The following SAFB2 variants were observed in gnomAD, a reference collection of about 807,000 sequenced individuals.
The protein encoded by SAFB2 is scaffold attachment factor B2.
A neutral mutation model predicts 100.6 loss-of-function variants in SAFB2; 32 were observed. The observed-to-expected ratio is 0.32, with a 90% CI of 0.24 to 0.43. The LOEUF (loss-of-function observed/expected upper bound fraction) is 0.43, where lower values mean the gene tolerates loss of function less well. Among genes scored for constraint, SAFB2 ranks in the 20% least tolerant of loss-of-function variants. The pLI, the probability that SAFB2 is intolerant of heterozygous loss-of-function variation, is 1.00. For missense variants in SAFB2, 1,185 were observed against 1,163.4 expected (o/e 1.02, Z -0.27); for synonymous variants, 500 against 439.4 (o/e 1.14, Z -1.72).
In SAFB2 at chr19:5,594,088, G is replaced by C. The variant is rs779638026; in HGVS notation, c.2010C>G (p.Leu670=). ...GCTCCAGCCGCTGGCGCTGGCACTCGAGCTGCAGGCGTTCCCGCTGTAGCC... is the reference window on the plus strand; with the variant it reads ...GCTCCAGCCGCTGGCGCTGGCACTCCAGCTGCAGGCGTTCCCGCTGTAGCC... The part of the protein sequence containing the change: ...KARLQRERLQ[L]ECQRQRLERE... Residue 670 remains leucine, a synonymous_variant, in exon 15 of 21, where the codon CTC becomes CTG. Transcript: ENST00000252542. 4 of 1,597,940 alleles carry C rather than the reference G, an allele frequency of 2.5e-6. No homozygotes were observed. The highest frequency in any genetic ancestry group is 3.4e-6 in the Non-Finnish European group (4 of 1,176,972).
rs757083762 is a variant in SAFB2 at position 5,621,401 on chromosome 19, T to C, written c.187-5A>G. On this transcript the variant is annotated splice_polypyrimidine_tract_variant and splice_region_variant and intron_variant, in intron 1 of 20. Coordinates refer to ENST00000252542, the MANE Select transcript of SAFB2 (RefSeq NM_014649.3). ...TTGCCCCTCTTCTTTAACCGCCTAT[T>C]AGGGAGAGATGAGTTTTACAACATC... The C allele has an allele frequency of 1.9e-6, 3 of 1,588,882 alleles. No homozygotes were observed. The highest frequency in any genetic ancestry group is 2.6e-6 in the Non-Finnish European group (3 of 1,157,298).
intron 9 of SAFB2, 55 bp downstream of exon 9, chr19:5,609,940 G>T: frequency 6.7e-7 from 1 of 1,484,460 alleles, no homozygotes. Flanking sequence ...GCCCAGCAGA[G>T]CTTCCTTTTT....
At chr19:5,602,641 G>A (rs1055696450) in intron 11 of SAFB2, among the ~76,000 whole-genome samples, 3 of 152,022 alleles carry the variant, frequency 2.0e-5, no homozygotes, top group African/African-American at 7.2e-5. Context: ...CTCCTACATA[G>A]AGCAAGTGCC....
chr19:5,611,963 G>A (rs548185633), intron 6 of SAFB2: 88 of 441,894 alleles, frequency 2.0e-4, no homozygotes, highest in African/African-American at 1.6e-3. Context: ...GTGCTGAACC[G>A]AATGCAATCA....
At chr19:5,612,767 T>A (rs913961389) in intron 5 of SAFB2, among the ~76,000 whole-genome samples, 200 bp from the exon 6 acceptor site, 2 of 152,188 alleles carry the variant, frequency 1.3e-5, no homozygotes, top group Admixed American at 6.5e-5. Flanking sequence ...TAACAGCAGG[T>A]CCCTAGTGAT....
At chr19:5,599,017 G>A (rs1599243314) in intron 12 of SAFB2, 133 bp from the exon 13 acceptor site, 4 of 736,606 alleles carry the variant, frequency 5.4e-6, no homozygotes, top group African/African-American at 1.7e-5. Flanking sequence ...AGCCTTGGGA[G>A]CCTCTAATTC....
intron 2 of SAFB2, among the ~76,000 whole-genome samples, chr19:5,618,591 T>G (rs1438497192): frequency 6.6e-6 from 1 of 152,248 alleles, no homozygotes; most frequent in African/African-American, 2.4e-5. Context: ...ACTCTAAAAC[T>G]CAGCTGTCCC....
intron 2 of SAFB2, among the ~76,000 whole-genome samples, 157 bp from the exon 3 acceptor site, chr19:5,616,643 C>CTTTTTTTTTTTTTTT (rs60033130): frequency 1.4e-5 from 1 of 72,798 alleles, no homozygotes; most frequent in Non-Finnish European, 2.4e-5. Context: ...AATTTGTTTT[C>CTTTTTTTTTTTTTTT]TTTTTTTTTT....
chr19:5,609,811 A>AT lies in SAFB2; in HGVS notation c.1296+183dup, dbSNP rs1263078613. On this transcript the variant is annotated intron_variant, in intron 9 of 20. Transcript: ENST00000252542. ...GGGCGAGCTTCGCTGCTGTCGTTCC[A>AT]TTTTTTAGTAAACACAACATCTTGC... is the stretch of plus-strand genomic sequence containing the variant. Among the ~76,000 whole-genome samples the AT allele has an allele frequency of 2.0e-5, 3 of 152,050 alleles. No homozygotes were observed. The East Asian group carries it at 5.9e-4, about 30-fold the overall frequency.
intron 17 of SAFB2, 89 bp downstream of exon 17, chr19:5,591,659 G>T: frequency 7.5e-7 from 1 of 1,337,636 alleles, no homozygotes; most frequent in Non-Finnish European, 1.1e-6. Flanking sequence ...CACCTCTCTG[G>T]GATCAAGCGG....
At chr19:5,612,981 C>T (rs951233171) in intron 5 of SAFB2, among the ~76,000 whole-genome samples, 1 of 152,254 alleles carries the variant, frequency 6.6e-6, no homozygotes, top group Admixed American at 6.5e-5. Flanking sequence ...TCTCTCTACT[C>T]TGCTGAAAAC....
At chr19:5,602,653 C>T (rs2052687786) in intron 11 of SAFB2, among the ~76,000 whole-genome samples, 1 of 152,112 alleles carries the variant, frequency 6.6e-6, no homozygotes, top group African/African-American at 2.4e-5. Context: ...GCAAGTGCCT[C>T]ACAGGGCTAC....
intron 15 of SAFB2, chr19:5,593,576 A>C (rs187598973): frequency 1.4e-4 from 43 of 308,734 alleles, no homozygotes; most frequent in African/African-American, 8.8e-4. Context: ...GTTGTCTCGC[A>C]AGACAGAGAA....
chr19:5,621,036 T>C (rs1343477089), intron 2 of SAFB2, among the ~76,000 whole-genome samples: 1 of 152,216 alleles, frequency 6.6e-6, no homozygotes, highest in Non-Finnish European at 1.5e-5. Flanking sequence ...CTTTAAGAGC[T>C]TGTCTTTCTC....
intron 11 of SAFB2, among the ~76,000 whole-genome samples, chr19:5,602,742 T>G (rs1385945614): frequency 6.6e-6 from 1 of 152,134 alleles, no homozygotes; most frequent in Non-Finnish European, 1.5e-5. Flanking sequence ...TATTACCGCC[T>G]TTCCCACAAA....
rs755681302 is a variant in SAFB2, at chr19:5,622,653, G to T, written c.63C>A (p.Gly21=). ...GCCGCCTCGTCCCAGTCTCCGCAAC[G>T]CCCGGGCCGAGAGAAGCCGTGCCAG... ...SGPGTASLGP[G]VAETGTRRLS... is the part of the protein sequence containing the mutation. Residue 21 remains glycine, a synonymous_variant, in exon 1 of 21, where the codon GGC becomes GGA. Coordinates refer to ENST00000252542, the MANE Select transcript of SAFB2 (RefSeq NM_014649.3). The T allele has an allele frequency of 2.5e-6, 4 of 1,609,248 alleles. No homozygotes were observed. The highest frequency in any genetic ancestry group is 2.2e-5 in the East Asian group (1 of 44,718).
At chr19:5,590,208 C>T in intron 18 of SAFB2, 70 bp downstream of exon 18, 2 of 1,323,170 alleles carry the variant, frequency 1.5e-6, no homozygotes, top group Non-Finnish European at 1.0e-6. Context: ...GGGGACGTGC[C>T]TGGCCAGGCA....
intron 2 of SAFB2, among the ~76,000 whole-genome samples, chr19:5,620,560 A>G (rs2053119183): frequency 6.6e-6 from 1 of 152,272 alleles, no homozygotes; most frequent in Non-Finnish European, 1.5e-5. Flanking sequence ...ATGCTACGTG[A>G]AAGCTGATGC....
intron 2 of SAFB2, among the ~76,000 whole-genome samples, chr19:5,619,053 A>G (rs149994384): frequency 2.4e-4 from 36 of 152,342 alleles, no homozygotes; most frequent in African/African-American, 7.5e-4. Context: ...AGTTCCCAGA[A>G]TGAGTCCAAC....
Sources: gnomAD v4.1 joint callset for allele counts (sites outside exome capture counted in the v4.1 genomes callset) on GRCh38, gnomAD v4.1.1 for gene constraint, MANE v1.5 for transcripts, NCBI Gene and HGNC (gene_info 2026-07-23, HGNC 2026-07-21) for gene names.